Variants in SLC8A3 observed in about 807,000 individuals in gnomAD.
SLC8A3 encodes sodium/calcium exchanger 3.
Under a neutral mutation model 65.4 loss-of-function variants are expected in SLC8A3, and 37 were observed. That is an observed-to-expected ratio of 0.57 (90% CI 0.44 to 0.74). The LOEUF (loss-of-function observed/expected upper bound fraction) is 0.74, where lower values mean the gene tolerates loss of function less well. Ranked by LOEUF, SLC8A3 falls within the 30% of genes least tolerant of loss-of-function variation. SLC8A3 has a pLI of 0.00. For synonymous variants in SLC8A3, 461 were observed against 444.5 expected (o/e 1.04, Z -0.47); for missense variants, 1,112 against 1,172.1 (o/e 0.95, Z 0.75).
intron 2 of SLC8A3, among the ~76,000 whole-genome samples, chr14:70,136,368 T>C (rs181924993): frequency 2.0e-5 from 3 of 152,290 alleles, no homozygotes; most frequent in East Asian, 3.9e-4. Context: ...ATGTGGAGCT[T>C]TGTTACGGTA....
intron 2 of SLC8A3, among the ~76,000 whole-genome samples, chr14:70,144,749 C>A (rs999834042): frequency 2.0e-5 from 3 of 152,150 alleles, no homozygotes; most frequent in African/African-American, 7.2e-5. Flanking sequence ...ATTTAACAGT[C>A]ATCACAACCT....
chr14:70,081,311 G>A (rs1891035374), intron 2 of SLC8A3, among the ~76,000 whole-genome samples: 1 of 152,126 alleles, frequency 6.6e-6, no homozygotes. Flanking sequence ...TGTAGATCTG[G>A]GGTACTTTTC....
At chr14:70,107,765 A>G (rs1039595510) in intron 2 of SLC8A3, among the ~76,000 whole-genome samples, 8 of 152,100 alleles carry the variant, frequency 5.3e-5, no homozygotes, top group Non-Finnish European at 1.2e-4. Flanking sequence ...GCTCCCTGCA[A>G]TCCTTTCAAA....
intron 2 of SLC8A3, among the ~76,000 whole-genome samples, chr14:70,125,060 T>C (rs1379405877): frequency 6.6e-6 from 1 of 152,242 alleles, no homozygotes; most frequent in Non-Finnish European, 1.5e-5. Context: ...AGATACTCAA[T>C]AAATATTTTT....
intron 1 of SLC8A3, among the ~76,000 whole-genome samples, chr14:70,168,803 G>A (rs559951129): frequency 1.3e-5 from 2 of 152,294 alleles, no homozygotes; most frequent in South Asian, 4.1e-4. Flanking sequence ...ACTTAAAATA[G>A]GCCATGTATA....
intron 1 of SLC8A3, among the ~76,000 whole-genome samples, chr14:70,184,737 T>A (rs1475086270): frequency 2.6e-5 from 4 of 152,190 alleles, no homozygotes; most frequent in Admixed American, 6.5e-5. Context: ...GGAATGTGTG[T>A]TTATGAGGAA....
chr14:70,133,155 A>G lies in SLC8A3; in HGVS notation c.1784+33484T>C, dbSNP rs562866775. On this transcript the variant is annotated intron_variant, in intron 2 of 6. Coordinates refer to ENST00000356921, the MANE Select transcript of SLC8A3 (RefSeq NM_182932.3). Reference sequence around the variant, plus strand: ...GCAGGATGGCCACAAAACCAAGGAAAGTTTGGCTTGGTACCTGTAATAAAA... The same window carrying G: ...GCAGGATGGCCACAAAACCAAGGAAGGTTTGGCTTGGTACCTGTAATAAAA... Among the ~76,000 whole-genome samples, 9 of 152,300 alleles carry G rather than the reference A, an allele frequency of 5.9e-5. No individual in the cohort carries two copies. The East Asian group carries it at 1.7e-3, about 29-fold the overall frequency.
chr14:70,062,109 G>A (rs1352420231), intron 2 of SLC8A3, among the ~76,000 whole-genome samples: 2 of 27,400 alleles, frequency 7.3e-5, no homozygotes, highest in South Asian at 1.0e-3. Flanking sequence ...TTTCTTTTTG[G>A]CGGGGGGCGG....
chr14:70,151,740 CA>C (rs1566814251), intron 2 of SLC8A3, among the ~76,000 whole-genome samples: 1 of 152,190 alleles, frequency 6.6e-6, no homozygotes, highest in Admixed American at 6.5e-5. Context: ...AAGGTATCAG[CA>C]GGACTGATTC....
intron 2 of SLC8A3, among the ~76,000 whole-genome samples, chr14:70,092,991 A>T (rs1544870): frequency 0.2 from 29,937 of 152,206 alleles, 3,077 homozygotes; most frequent in Non-Finnish European, 0.22. Context: ...TGGGCTTCAG[A>T]AACATTGGCA....
chr14:70,061,773 C>T (rs1164914305), intron 2 of SLC8A3, among the ~76,000 whole-genome samples: 1 of 152,146 alleles, frequency 6.6e-6, no homozygotes, highest in East Asian at 1.9e-4. Context: ...CACCTTTGGG[C>T]TTCTATCACT....
chr14:70,064,582 G>T (rs1322649130), intron 2 of SLC8A3, among the ~76,000 whole-genome samples: 2 of 152,022 alleles, frequency 1.3e-5, no homozygotes, highest in African/African-American at 2.4e-5. Flanking sequence ...GGGAAATTTG[G>T]CTCATGTCAC....
intron 2 of SLC8A3, among the ~76,000 whole-genome samples, chr14:70,165,264 C>T (rs568615896): frequency 6.6e-5 from 10 of 152,162 alleles, no homozygotes. Flanking sequence ...TGCAGGATCC[C>T]CCGGGTCACT....
At chr14:70,097,446 A>T (rs1892262408) in intron 2 of SLC8A3, among the ~76,000 whole-genome samples, 1 of 152,166 alleles carries the variant, frequency 6.6e-6, no homozygotes, top group Non-Finnish European at 1.5e-5. Flanking sequence ...CTAATCTAGG[A>T]CTGCAGATTC....
rs759851421 is a variant in SLC8A3 at position 70,055,851 on chromosome 14, A to G, written c.1889-3737T>C. The G allele has an allele frequency of 1.0e-5, 16 of 1,596,564 alleles. No homozygotes were observed. The East Asian group carries it at 3.6e-4, about 36-fold the overall frequency. ...GGATACCAGAAAAATGGAAGAAAGAAAAGGAAAGAGCATTAATGTCCCATC... is the reference window on the plus strand; with the variant it reads ...GGATACCAGAAAAATGGAAGAAAGAGAAGGAAAGAGCATTAATGTCCCATC... On this transcript the variant is annotated intron_variant, in intron 3 of 6. Transcript: ENST00000356921.
At chr14:70,076,206 C>T (rs1890501848) in intron 2 of SLC8A3, among the ~76,000 whole-genome samples, 1 of 152,190 alleles carries the variant, frequency 6.6e-6, no homozygotes, top group South Asian at 2.1e-4. Context: ...AGTCTCATGA[C>T]CAGGTTCTTT....
rs776516652 is a variant in SLC8A3 at position 70,166,630 on chromosome 14, G to A, written c.1784+9C>T. Reference sequence around the variant, plus strand: ...TCAGGGAGGGGCAGAATACAGGAAGGTTACTTACACAGTTTCATCATTCTT... The same window carrying A: ...TCAGGGAGGGGCAGAATACAGGAAGATTACTTACACAGTTTCATCATTCTT... On this transcript the variant is annotated intron_variant, in intron 2 of 6. Transcript: ENST00000356921. 2.0e-6 allele frequency: 3 copies of A among 1,517,202 alleles called. No individual in the cohort carries two copies. The highest frequency in any genetic ancestry group is 2.7e-6 in the Non-Finnish European group (3 of 1,108,470). The allele number at this position is 1,517,202 out of a possible 1,614,324, so 94.0% of individuals were successfully genotyped here. A position where few individuals can be genotyped will look rare whatever the true frequency, so the allele number is the denominator to read the frequency against.
At chr14:70,159,741 T>A (rs1896776628) in intron 2 of SLC8A3, among the ~76,000 whole-genome samples, 1 of 152,020 alleles carries the variant, frequency 6.6e-6, no homozygotes, top group African/African-American at 2.4e-5. Context: ...CCCACCTGTA[T>A]CCCCTTATTA....
chr14:70,140,990 G>A (rs1338541481), intron 2 of SLC8A3, among the ~76,000 whole-genome samples: 5 of 152,146 alleles, frequency 3.3e-5, no homozygotes, highest in South Asian at 2.1e-4. Context: ...TAAATCAAAG[G>A]CTTCTGCTGG....
Sources: gnomAD v4.1 joint callset for allele counts (sites outside exome capture counted in the v4.1 genomes callset) on GRCh38, gnomAD v4.1.1 for gene constraint, MANE v1.5 for transcripts, NCBI Gene and HGNC (gene_info 2026-07-23, HGNC 2026-07-21) for gene names.